Variants in SUCLG2 observed in about 807,000 individuals in gnomAD.
SUCLG2 encodes the protein succinate-CoA ligase GDP-forming subunit beta, also known as succinate--CoA ligase [GDP-forming] subunit beta, mitochondrial.
Under a neutral mutation model 47.9 loss-of-function variants are expected in SUCLG2, and 42 were observed. That is an observed-to-expected ratio of 0.88 (90% CI 0.69 to 1.14). SUCLG2 has a LOEUF of 1.14. SUCLG2 is among the 50% of genes most tolerant of loss of function. The pLI is 0.00. For missense variants in SUCLG2, 571 were observed against 525.9 expected (o/e 1.09, Z -0.84); for synonymous variants, 195 against 197.3 (o/e 0.99, Z 0.10).
chr3:67,457,410 A>G (rs1415171205), intron 9 of SUCLG2, among the ~76,000 whole-genome samples: 1 of 152,180 alleles, frequency 6.6e-6, no homozygotes, highest in Non-Finnish European at 1.5e-5. Context: ...AATAATATCA[A>G]TTTTATGATT....
intron 2 of SUCLG2, among the ~76,000 whole-genome samples, chr3:67,540,033 G>T (rs1227900473): frequency 6.6e-6 from 1 of 151,030 alleles, no homozygotes; most frequent in African/African-American, 2.4e-5. Flanking sequence ...ATTTTTTTAA[G>T]GGCTTTTCGT....
At chr3:67,376,629 C>T (rs1456923611) in intron 10 of SUCLG2, 1 of 481,774 alleles carries the variant, frequency 2.1e-6, no homozygotes, top group South Asian at 9.0e-5. Flanking sequence ...GAAATATAGG[C>T]CTTGGAGAAC....
At chr3:67,533,633 T>C (rs1706459086) in intron 2 of SUCLG2, among the ~76,000 whole-genome samples, 1 of 152,124 alleles carries the variant, frequency 6.6e-6, no homozygotes, top group Non-Finnish European at 1.5e-5. Flanking sequence ...GAATATACAA[T>C]TATATAGAGA....
intron 2 of SUCLG2, among the ~76,000 whole-genome samples, chr3:67,595,581 G>T (rs1398635406): frequency 1.3e-5 from 2 of 152,144 alleles, no homozygotes; most frequent in Non-Finnish European, 2.9e-5. Context: ...GGACGCTGGA[G>T]GCCCTGGTCC....
intron 10 of SUCLG2, among the ~76,000 whole-genome samples, chr3:67,369,695 C>T (rs1433606786): frequency 2.0e-5 from 3 of 152,194 alleles, no homozygotes; most frequent in Admixed American, 6.5e-5. Flanking sequence ...AGGCGTATGC[C>T]GTTGCCATTT....
At chr3:67,581,320 G>A (rs773685989) in intron 2 of SUCLG2, among the ~76,000 whole-genome samples, 1 of 152,112 alleles carries the variant, frequency 6.6e-6, no homozygotes, top group Non-Finnish European at 1.5e-5. Flanking sequence ...AATAAGACTT[G>A]GTAAGCAGAT....
intron 2 of SUCLG2, among the ~76,000 whole-genome samples, chr3:67,569,989 G>A (rs1051683690): frequency 3.3e-5 from 5 of 152,122 alleles, no homozygotes; most frequent in Non-Finnish European, 1.5e-5. Flanking sequence ...TAGAGACAGG[G>A]TCTTTAAAGA....
intron 1 of SUCLG2, among the ~76,000 whole-genome samples, chr3:67,646,075 G>A (rs1701185152): frequency 7.1e-6 from 1 of 141,460 alleles, no homozygotes; most frequent in Admixed American, 7.1e-5. Flanking sequence ...GGAAGGGAGG[G>A]GAATGGAGGG....
chr3:67,640,337 T>C (rs912225423), intron 1 of SUCLG2, among the ~76,000 whole-genome samples: 1 of 152,220 alleles, frequency 6.6e-6, no homozygotes, highest in Non-Finnish European at 1.5e-5. Context: ...TGATACATGA[T>C]AGATGTACAA....
chr3:67,364,437 C>T (rs1437809156), intron 10 of SUCLG2, among the ~76,000 whole-genome samples: 2 of 143,218 alleles, frequency 1.4e-5, no homozygotes. Flanking sequence ...ACCCCCCCCA[C>T]CCCCAAGTAA....
intron 6 of SUCLG2, among the ~76,000 whole-genome samples, chr3:67,513,141 T>C (rs1390423822): frequency 6.6e-6 from 1 of 152,020 alleles, no homozygotes; most frequent in Non-Finnish European, 1.5e-5. Context: ...CTTAGCATAA[T>C]GTCCTCAAGC....
chr3:67,402,624 G>T (rs546687144), intron 9 of SUCLG2, among the ~76,000 whole-genome samples: 1 of 152,294 alleles, frequency 6.6e-6, no homozygotes, highest in East Asian at 1.9e-4. Flanking sequence ...AACAATAGAA[G>T]AAAAACATTC....
intron 10 of SUCLG2, among the ~76,000 whole-genome samples, chr3:67,369,163 TGTCA>T (rs1022854480): frequency 3.9e-5 from 6 of 152,342 alleles, no homozygotes; most frequent in African/African-American, 1.4e-4. Context: ...TCTGTTTTTA[TGTCA>T]GTATTTGATC....
chr3:67,467,291 A>AT (rs1473213576), intron 9 of SUCLG2, among the ~76,000 whole-genome samples: 3 of 152,196 alleles, frequency 2.0e-5, no homozygotes, highest in Non-Finnish European at 4.4e-5. Flanking sequence ...GCTCTAGTAT[A>AT]TTTTTCTCAC....
intron 6 of SUCLG2, among the ~76,000 whole-genome samples, chr3:67,512,827 C>A (rs1032380889): frequency 6.7e-6 from 1 of 150,360 alleles, no homozygotes; most frequent in Non-Finnish European, 1.5e-5. Context: ...TACTTTGTGT[C>A]TATAAATTTG....
chr3:67,426,712 G>A (rs1045877449), intron 9 of SUCLG2, among the ~76,000 whole-genome samples: 1 of 152,096 alleles, frequency 6.6e-6, no homozygotes, highest in South Asian at 2.1e-4. Context: ...GGCAGATCAC[G>A]AGGTCAGGAG....
chr3:67,562,924 T>C (rs1707346961), intron 2 of SUCLG2, among the ~76,000 whole-genome samples: 2 of 151,992 alleles, frequency 1.3e-5, no homozygotes, highest in African/African-American at 4.8e-5. Flanking sequence ...ATTATCTATA[T>C]CTTTTAATAC....
intron 2 of SUCLG2, among the ~76,000 whole-genome samples, chr3:67,591,836 A>G (rs758228845): frequency 1.3e-5 from 2 of 152,200 alleles, no homozygotes; most frequent in Non-Finnish European, 2.9e-5. Context: ...AATCTATATC[A>G]CATTCCCCTT....
intron 9 of SUCLG2, among the ~76,000 whole-genome samples, chr3:67,495,379 G>A (rs758570174): frequency 6.6e-6 from 1 of 152,174 alleles, no homozygotes; most frequent in African/African-American, 2.4e-5. Flanking sequence ...TGTGGGCTGG[G>A]CGCGGTGGCT....
Sources: gnomAD v4.1 joint callset for allele counts (sites outside exome capture counted in the v4.1 genomes callset) on GRCh38, gnomAD v4.1.1 for gene constraint, MANE v1.5 for transcripts, NCBI Gene and HGNC (gene_info 2026-07-23, HGNC 2026-07-21) for gene names.